ADGRD1: variants seen among roughly 807,000 people sequenced by gnomAD.
ADGRD1 encodes G-protein coupled receptor 133.
In ADGRD1, 77 loss-of-function variants were observed where a neutral mutation model predicts 113.4. The ratio of observed to expected loss-of-function variants is 0.68; its 90% confidence interval spans 0.57 to 0.82. The LOEUF (loss-of-function observed/expected upper bound fraction) is 0.82. Ranked by LOEUF, ADGRD1 falls within the 40% of genes least tolerant of loss-of-function variation. The pLI is 0.00. For synonymous variants in ADGRD1, 474 were observed against 475.0 expected (o/e 1.00, Z 0.03); for missense variants, 1,036 against 1,139.1 (o/e 0.91, Z 1.30).
chr12:131,117,221 C>T (rs1566124286), intron 18 of ADGRD1, among the ~76,000 whole-genome samples: 1 of 152,156 alleles, frequency 6.6e-6, no homozygotes, highest in African/African-American at 2.4e-5. Flanking sequence ...GTGGGCCTCC[C>T]TTCTATCACC....
At chr12:130,963,423 G>A (rs540586351) in intron 2 of ADGRD1, among the ~76,000 whole-genome samples, 9 of 151,342 alleles carry the variant, frequency 5.9e-5, no homozygotes, top group Non-Finnish European at 1.0e-4. Flanking sequence ...TCAGCTTTTC[G>A]ATTTCTTCAC....
At chr12:131,034,381 T>A (rs1053207676) in intron 13 of ADGRD1, among the ~76,000 whole-genome samples, 2 of 152,248 alleles carry the variant, frequency 1.3e-5, no homozygotes, top group Non-Finnish European at 2.9e-5. Context: ...CCGACCTGAC[T>A]GTCCTCCACT....
Position 131,004,293 on chromosome 12 carries a change from CACGGTGAGTGT to C in ADGRD1, c.1253_1255+8del. The C allele has an allele frequency of 6.2e-7, 1 of 1,606,602 alleles. No individual in the cohort carries two copies. Among genetic ancestry groups the C allele is most frequent in the Non-Finnish European group, 8.5e-7 (1 of 1,173,470 alleles). On this transcript the variant is annotated splice_donor_variant and splice_donor_5th_base_variant and coding_sequence_variant and intron_variant, in exon 11 of 25. Transcript: ENST00000261654. LOFTEE classifies it high-confidence loss of function. Reference sequence around the variant, plus strand: ...GATCCCCCACGAGGCCTTCCACAGGCACGGTGAGTGTGGCTGCGCTGGACTCCCTTCCGGGG... The same window carrying C: ...GATCCCCCACGAGGCCTTCCACAGGCGGCTGCGCTGGACTCCCTTCCGGGG...
At chr12:131,120,426 GA>G (rs1950565172) in intron 19 of ADGRD1, among the ~76,000 whole-genome samples, 1 of 152,186 alleles carries the variant, frequency 6.6e-6, no homozygotes, top group Non-Finnish European at 1.5e-5. Flanking sequence ...GGCACGGAGA[GA>G]GGGGAACTGA....
intron 18 of ADGRD1, among the ~76,000 whole-genome samples, chr12:131,115,872 A>G (rs904950908): frequency 6.6e-6 from 1 of 152,170 alleles, no homozygotes; most frequent in African/African-American, 2.4e-5. Context: ...TCATCCTCAC[A>G]GCCTAGTGAG....
At chr12:130,975,959 T>C (rs1311800504) in intron 4 of ADGRD1, among the ~76,000 whole-genome samples, 4 of 152,156 alleles carry the variant, frequency 2.6e-5, no homozygotes. Flanking sequence ...TCTGTGAATG[T>C]TTCCTTTGCT....
At chr12:131,068,355 A>G (rs1884889950) in intron 13 of ADGRD1, among the ~76,000 whole-genome samples, 1 of 152,112 alleles carries the variant, frequency 6.6e-6, no homozygotes, top group African/African-American at 2.4e-5. Context: ...CCAACATTAG[A>G]CAGACCAGAA....
At chr12:130,981,844 C>T (rs776786107) in intron 4 of ADGRD1, 40 bp from the exon 5 acceptor site, 3 of 1,466,706 alleles carry the variant, frequency 2.0e-6, no homozygotes, top group South Asian at 2.4e-5. Context: ...AGTCAAGTCC[C>T]CTGCTCTCTG....
At chr12:131,061,019 T>G (rs1389262513) in intron 13 of ADGRD1, among the ~76,000 whole-genome samples, 1 of 152,098 alleles carries the variant, frequency 6.6e-6, no homozygotes, top group Non-Finnish European at 1.5e-5. Context: ...CTCATCCCTG[T>G]GAATGAGCTC....
At chr12:131,058,528 G>A (rs1205466833) in intron 13 of ADGRD1, among the ~76,000 whole-genome samples, 3 of 152,142 alleles carry the variant, frequency 2.0e-5, no homozygotes, top group African/African-American at 7.2e-5. Context: ...TCCATTTCCA[G>A]AAATGTACTT....
At chr12:131,092,570 C>A (rs1886984104) in intron 15 of ADGRD1, among the ~76,000 whole-genome samples, 1 of 152,036 alleles carries the variant, frequency 6.6e-6, no homozygotes, top group Non-Finnish European at 1.5e-5. Flanking sequence ...TCCTCCCAGG[C>A]GGCCACTTCC....
chr12:131,129,442 G>A (rs868576588), intron 20 of ADGRD1, among the ~76,000 whole-genome samples: 7 of 136,596 alleles, frequency 5.1e-5, no homozygotes, highest in Non-Finnish European at 8.2e-5. Flanking sequence ...TGCTGTCTGG[G>A]TGTGACAGGC....
intron 13 of ADGRD1, among the ~76,000 whole-genome samples, chr12:131,066,725 G>A (rs1264520631): frequency 6.6e-6 from 1 of 152,188 alleles, no homozygotes; most frequent in Non-Finnish European, 1.5e-5. Context: ...CTGCTGGCAG[G>A]AGGCTGCCCT....
At chr12:131,136,829 C>T (rs117771717) in intron 22 of ADGRD1, 144 bp from the exon 23 acceptor site, 14,845 of 735,426 alleles carry the variant, frequency 0.02, 265 homozygotes, top group Non-Finnish European at 0.024. Flanking sequence ...GACGCCTCTC[C>T]GTCCTCACGG....
rs756810149 is a variant in ADGRD1, at chr12:131,108,778, G to T, written c.1942G>T (p.Ala648Ser). 3.7e-6 allele frequency: 6 copies of T among 1,614,076 alleles called. No homozygotes were observed. The highest frequency in any genetic ancestry group is 4.2e-6 in the Non-Finnish European group (5 of 1,180,012). ...ACACTACTTCTTCCTGAGTGCCTTC[G>T]CATGGATGCTGGTGGAGGGGCTGCA... Reference protein sequence around the residue: ...LLHYFFLSAFAWMLVEGLHLY... With the variant: ...LLHYFFLSAFSWMLVEGLHLY... The change falls in exon 18 of 25, where the codon GCA becomes TCA. Residue 648 changes from alanine (A) to serine (S), a missense_variant. Coordinates refer to ENST00000261654, the MANE Select transcript of ADGRD1 (RefSeq NM_198827.5).
intron 4 of ADGRD1, among the ~76,000 whole-genome samples, chr12:130,974,127 G>T (rs77787869): frequency 1.1e-4 from 17 of 152,138 alleles, no homozygotes; most frequent in Non-Finnish European, 8.8e-5. Context: ...TGCCTTTCCC[G>T]CTTTCCTCTG....
intron 15 of ADGRD1, among the ~76,000 whole-genome samples, chr12:131,087,727 G>GC (rs11352282): frequency 9.2e-5 from 14 of 151,854 alleles, no homozygotes; most frequent in African/African-American, 3.1e-4. Flanking sequence ...CAGTCCCCAC[G>GC]CCCCCCCCAT....
At chr12:130,983,650 T>C (rs1349836298) in intron 5 of ADGRD1, among the ~76,000 whole-genome samples, 1 of 152,194 alleles carries the variant, frequency 6.6e-6, no homozygotes, top group African/African-American at 2.4e-5. Flanking sequence ...AGGCGTTTGT[T>C]ATTCTTACTT....
chr12:131,005,848 C>A, intron 11 of ADGRD1, 124 bp from the exon 12 acceptor site: 2 of 750,654 alleles, frequency 2.7e-6, no homozygotes, highest in South Asian at 1.5e-5. Flanking sequence ...CCTTCACTTC[C>A]TTCTCCCCAG....
Sources: allele counts gnomAD v4.1 joint callset (sites outside exome capture counted in the v4.1 genomes callset), GRCh38; gene constraint gnomAD v4.1.1; transcripts MANE v1.5; gene names NCBI Gene and HGNC (gene_info 2026-07-23, HGNC 2026-07-21).